The following GLIS3 variants were observed in gnomAD, a reference collection of about 807,000 sequenced individuals.
GLIS3 encodes the protein zinc finger protein GLIS3.
A neutral mutation model predicts 78.6 loss-of-function variants in GLIS3; 53 were observed. The observed-to-expected ratio is 0.67, with a 90% CI of 0.54 to 0.85. The LOEUF (loss-of-function observed/expected upper bound fraction) is 0.85, where lower values mean the gene tolerates loss of function less well. GLIS3 is among the 40% of genes least tolerant of loss of function. The pLI is 0.00. For synonymous variants in GLIS3, 684 were observed against 509.9 expected (o/e 1.34, Z -4.60); for missense variants, 1,703 against 1,231.1 (o/e 1.38, Z -5.74).
intron 2 of GLIS3, among the ~76,000 whole-genome samples, chr9:4,253,094 G>A (rs1028077717): frequency 6.6e-6 from 1 of 152,236 alleles, no homozygotes; most frequent in African/African-American, 2.4e-5. Flanking sequence ...CAGGGGTCAG[G>A]GACCCACTGG....
intron 2 of GLIS3, among the ~76,000 whole-genome samples, chr9:4,330,672 G>A (rs551680915): frequency 2.6e-5 from 4 of 151,782 alleles, no homozygotes; most frequent in Admixed American, 6.6e-5. Context: ...TGGAGATGAA[G>A]AGAGGTGGAG....
At chr9:3,846,808 C>T (rs1179819827) in intron 9 of GLIS3, among the ~76,000 whole-genome samples, 2 of 152,248 alleles carry the variant, frequency 1.3e-5, no homozygotes, top group East Asian at 3.9e-4. Context: ...TTAAGTTTAC[C>T]TCAATGTGTA....
intron 2 of GLIS3, among the ~76,000 whole-genome samples, chr9:4,242,530 C>T (rs1261559748): frequency 2.0e-5 from 3 of 152,156 alleles, no homozygotes; most frequent in Non-Finnish European, 4.4e-5. Flanking sequence ...CCAATGCATA[C>T]TATGGAACCA....
intron 2 of GLIS3, among the ~76,000 whole-genome samples, chr9:4,216,254 T>C (rs1048420637): frequency 4.0e-5 from 6 of 151,898 alleles, no homozygotes; most frequent in East Asian, 1.9e-4. Flanking sequence ...GGGCAGATCA[T>C]GAGGTCAGGA....
intron 3 of GLIS3, among the ~76,000 whole-genome samples, chr9:4,120,328 G>T (rs1002346991): frequency 3.3e-5 from 5 of 152,158 alleles, no homozygotes; most frequent in Non-Finnish European, 7.3e-5. Flanking sequence ...TGTTACCATC[G>T]AGTGAAGTAA....
the GLIS3 span, among the ~76,000 whole-genome samples, chr9:4,427,263 C>A: frequency 1.3e-5 from 2 of 152,116 alleles, no homozygotes; most frequent in African/African-American, 4.8e-5. Flanking sequence ...ATTTTTATAT[C>A]ATCGTGAAGC....
At chr9:4,395,859 C>T in the GLIS3 span, among the ~76,000 whole-genome samples, 1,717 of 149,968 alleles carry the variant, frequency 0.011, 33 homozygotes, top group African/African-American at 0.039. Context: ...CTGCAACCTT[C>T]GACTCCCTAG....
intron 2 of GLIS3, among the ~76,000 whole-genome samples, chr9:4,237,892 T>C (rs1822917646): frequency 6.6e-6 from 1 of 152,212 alleles, no homozygotes; most frequent in Non-Finnish European, 1.5e-5. Context: ...TTAAACAACT[T>C]TCCCTTCCCT....
At chr9:3,855,540 C>A in intron 9 of GLIS3, 1 of 222,936 alleles carries the variant, frequency 4.5e-6, no homozygotes. Context: ...AGTTTAGAGC[C>A]TGGAGAGATG....
chr9:4,298,044 G>C (rs1587357655), intron 1 of GLIS3, among the ~76,000 whole-genome samples: 2 of 152,246 alleles, frequency 1.3e-5, no homozygotes, highest in East Asian at 3.9e-4. Context: ...CCCCGTGCGC[G>C]AGCGAGCGAG....
the GLIS3 span, among the ~76,000 whole-genome samples, chr9:4,406,467 C>T: frequency 6.6e-6 from 1 of 152,106 alleles, no homozygotes. Context: ...TTTACAGGCA[C>T]CCACCACCAG....
chr9:4,323,244 T>C (rs1817563234), intron 2 of GLIS3, among the ~76,000 whole-genome samples: 1 of 152,176 alleles, frequency 6.6e-6, no homozygotes, highest in Non-Finnish European at 1.5e-5. Flanking sequence ...TATCAAACTA[T>C]ACTACAAACT....
chr9:4,359,920 T>G, the GLIS3 span, among the ~76,000 whole-genome samples: 1 of 152,142 alleles, frequency 6.6e-6, no homozygotes, highest in Non-Finnish European at 1.5e-5. Flanking sequence ...AAATGTATTT[T>G]CTGTATATAC....
the GLIS3 span, among the ~76,000 whole-genome samples, chr9:4,377,240 G>A: frequency 1.6e-3 from 221 of 135,412 alleles, 45 homozygotes; most frequent in African/African-American, 5.5e-3. Context: ...CATCCAACTG[G>A]CTGCCAGCGC....
chr9:4,447,812 C>G, the GLIS3 span, among the ~76,000 whole-genome samples: 2 of 152,238 alleles, frequency 1.3e-5, no homozygotes, highest in Non-Finnish European at 2.9e-5. Flanking sequence ...TGAGCCCAGT[C>G]CTCTGTTCAA....
the GLIS3 span, among the ~76,000 whole-genome samples, chr9:4,483,977 T>C: frequency 6.6e-6 from 1 of 152,228 alleles, no homozygotes; most frequent in African/African-American, 2.4e-5. Context: ...GTGAATTAGT[T>C]TGGGCCAAGT....
chr9:4,430,762 A>C, the GLIS3 span, among the ~76,000 whole-genome samples: 1 of 152,180 alleles, frequency 6.6e-6, no homozygotes, highest in African/African-American at 2.4e-5. Flanking sequence ...ATACAATCCA[A>C]AGATAAGCAG....
chr9:3,978,340 CTA>C (rs1818951396), intron 4 of GLIS3, among the ~76,000 whole-genome samples: 1 of 151,782 alleles, frequency 6.6e-6, no homozygotes, highest in Admixed American at 6.6e-5. Context: ...TATATAGAAA[CTA>C]TTACTATATT....
At chr9:4,370,954 A>G in the GLIS3 span, among the ~76,000 whole-genome samples, 1 of 152,126 alleles carries the variant, frequency 6.6e-6, no homozygotes, top group Non-Finnish European at 1.5e-5. Flanking sequence ...ATTTTTGTAA[A>G]TTAAGAAGGA....
Sources: allele counts gnomAD v4.1 joint callset (sites outside exome capture counted in the v4.1 genomes callset), GRCh38; gene constraint gnomAD v4.1.1; transcripts MANE v1.5; gene names NCBI Gene and HGNC (gene_info 2026-07-23, HGNC 2026-07-21).